DAPK1: variants seen among roughly 807,000 people sequenced by gnomAD.
DAPK1 encodes death associated protein kinase 1, also known as death-associated protein kinase 1.
A neutral mutation model predicts 144.9 loss-of-function variants in DAPK1; 56 were observed. That is an observed-to-expected ratio of 0.39 (90% confidence interval 0.31 to 0.48). The LOEUF is 0.48. DAPK1 is among the 20% of genes least tolerant of loss of function. The pLI, the probability that DAPK1 is intolerant of heterozygous loss-of-function variation, is 0.95. For missense variants in DAPK1, 1,454 were observed against 1,875.4 expected, an observed-to-expected ratio of 0.78 and a Z score of 4.15; for synonymous variants, 690 against 749.0, an observed-to-expected ratio of 0.92 and a Z score of 1.29.
chr9:87,692,931 G>A (rs1049818970), intron 21 of DAPK1, among the ~76,000 whole-genome samples: 1 of 128,342 alleles, frequency 7.8e-6, no homozygotes, highest in African/African-American at 3.0e-5. Flanking sequence ...TCTGACGGGC[G>A]TTCCCTTGTA....
intron 3 of DAPK1, among the ~76,000 whole-genome samples, chr9:87,613,684 A>G (rs1230538107): frequency 6.6e-6 from 1 of 152,234 alleles, no homozygotes; most frequent in African/African-American, 2.4e-5. Context: ...AAGGATCTTA[A>G]AAGTGGCAAA....
intron 2 of DAPK1, among the ~76,000 whole-genome samples, chr9:87,559,315 G>C (rs1359405928): frequency 1.4e-5 from 2 of 139,154 alleles, no homozygotes; most frequent in African/African-American, 6.8e-5. Context: ...CTAGGCTAGG[G>C]TAGGGTAGGG....
rs747058255 is a variant in DAPK1, at chr9:87,686,597, T to C, written c.2271T>C (p.Ser757=). 6.2e-7 allele frequency: 1 copy of C among 1,600,190 alleles called. No homozygotes were observed. The highest frequency in any genetic ancestry group is 8.5e-7 in the Non-Finnish European group (1 of 1,172,580). Residue 757 remains serine (S), a synonymous_variant, in exon 21 of 26, where the codon AGT becomes AGC. Transcript: ENST00000408954. This position sits in a 1 kb window ranked among gnomAD's most constrained non-coding sequence, Gnocchi z 4.2. ...NNLYPGCENV[S]VRSRSMMFEP... ...TGTACCCAGGCTGCGAGAACGTGAG[T>C]GTGAGGAGCCGCAGCATGATGTTCG...
intron 2 of DAPK1, among the ~76,000 whole-genome samples, chr9:87,575,178 C>G (rs1380677889): frequency 6.8e-6 from 1 of 147,244 alleles, no homozygotes; most frequent in Non-Finnish European, 1.5e-5. Flanking sequence ...CAAGATTGCA[C>G]CACTGCACTC....
intron 2 of DAPK1, among the ~76,000 whole-genome samples, chr9:87,516,137 G>A (rs1825045326): frequency 6.6e-6 from 1 of 152,182 alleles, no homozygotes; most frequent in Non-Finnish European, 1.5e-5. Context: ...CTCTCTGGCT[G>A]TACTTGCCGC....
At chr9:87,570,111 T>TA (rs1341919783) in intron 2 of DAPK1, among the ~76,000 whole-genome samples, 1 of 152,058 alleles carries the variant, frequency 6.6e-6, no homozygotes. Flanking sequence ...TATTTTTTTT[T>TA]AATCACTTTG....
intron 25 of DAPK1, among the ~76,000 whole-genome samples, chr9:87,703,508 C>T (rs1825530311): frequency 6.6e-6 from 1 of 152,148 alleles, no homozygotes; most frequent in African/African-American, 2.4e-5. Flanking sequence ...CTGGGTCTCT[C>T]TTCACTCCCC....
chr9:87,592,513 C>T (rs751985424), intron 2 of DAPK1, among the ~76,000 whole-genome samples: 15 of 152,216 alleles, frequency 9.9e-5, no homozygotes, highest in African/African-American at 2.4e-4. Flanking sequence ...AAACCGCATT[C>T]GCACAAATTG....
chr9:87,681,218 C>T (rs554379344), intron 19 of DAPK1, among the ~76,000 whole-genome samples, 186 bp from the exon 20 acceptor site: 6 of 150,366 alleles, frequency 4.0e-5, no homozygotes, highest in East Asian at 2.0e-4. Flanking sequence ...GCAGAGGTTG[C>T]GGTGAGCTGA....
At chr9:87,609,886 C>T (rs548895906) in intron 3 of DAPK1, among the ~76,000 whole-genome samples, 159 of 152,248 alleles carry the variant, frequency 1.0e-3, no homozygotes, top group African/African-American at 3.6e-3. Flanking sequence ...AGCGGGTCCC[C>T]TTGTTGAAAA....
Position 87,647,530 on chromosome 9 carries a change from A to G in DAPK1, c.1329+127A>G, listed in dbSNP as rs752685783. On this transcript the variant is annotated intron_variant, in intron 14 of 25. Coordinates refer to ENST00000408954, the MANE Select transcript of DAPK1 (RefSeq NM_004938.4). ...ATCAGGACCAGAATTCACCTGCAGAACATTTAAGTTGGAAATGTCTTGTTG... is the reference window on the plus strand; with the variant it reads ...ATCAGGACCAGAATTCACCTGCAGAGCATTTAAGTTGGAAATGTCTTGTTG... 32 of 763,438 alleles carry G rather than the reference A, an allele frequency of 4.2e-5. No individual in the cohort carries two copies. The Admixed American group carries it at 6.7e-4, about 16-fold the overall frequency. The allele number at this position is 763,438 out of a possible 1,614,324, so 47.3% of individuals were successfully genotyped here. A position where few individuals can be genotyped will look rare whatever the true frequency, so the allele number is the denominator to read the frequency against.
Position 87,703,023 on chromosome 9 carries a change from C to T in DAPK1, c.2872-6C>T. The stretch of plus-strand genomic sequence containing the variant: ...GAGTTAACCTGTCTGGCCCTGCCCC[C>T]TCTAGGTCTGTCCTCCCATGACTCA... On this transcript the variant is annotated splice_polypyrimidine_tract_variant and splice_region_variant and intron_variant, in intron 24 of 25. Transcript: ENST00000408954. 6.6e-7 allele frequency: 1 copy of T among 1,511,944 alleles called. No homozygotes were observed. Among genetic ancestry groups the T allele is most frequent in the Non-Finnish European group, 9.2e-7 (1 of 1,087,520 alleles). 93.7% of individuals were successfully genotyped at this position (1,511,944 alleles called of 1,614,324 possible).
intron 2 of DAPK1, among the ~76,000 whole-genome samples, chr9:87,502,613 T>G (rs979238380): frequency 6.6e-6 from 1 of 152,142 alleles, no homozygotes; most frequent in Non-Finnish European, 1.5e-5. Context: ...GGGACTGGCC[T>G]TCTTTCCTAT....
chr9:87,547,824 G>C (rs2118529975), intron 2 of DAPK1, among the ~76,000 whole-genome samples: 1 of 152,266 alleles, frequency 6.6e-6, no homozygotes, highest in East Asian at 1.9e-4. Flanking sequence ...ACCCCTATTA[G>C]GGAGAGTGGT....
intron 2 of DAPK1, among the ~76,000 whole-genome samples, chr9:87,544,690 C>CT (rs1386235245): frequency 2.0e-5 from 3 of 152,036 alleles, no homozygotes; most frequent in Non-Finnish European, 4.4e-5. Context: ...TTTTCTCGGG[C>CT]TCTTACTGGT....
chr9:87,641,803 G>A (rs535356086), intron 9 of DAPK1, among the ~76,000 whole-genome samples, 166 bp from the exon 10 acceptor site: 3 of 152,196 alleles, frequency 2.0e-5, no homozygotes, highest in East Asian at 1.9e-4. Context: ...GAGTGAGCCC[G>A]CTAAGACTAG....
chr9:87,675,894 C>CACACACAT (rs1824357502), intron 19 of DAPK1, among the ~76,000 whole-genome samples: 1 of 146,026 alleles, frequency 6.8e-6, no homozygotes, highest in Non-Finnish European at 1.5e-5. Flanking sequence ...CACACACACA[C>CACACACAT]ACCCTTATGA....
At chr9:87,609,069 C>A (rs769548180) in intron 3 of DAPK1, among the ~76,000 whole-genome samples, 31 of 151,718 alleles carry the variant, frequency 2.0e-4, no homozygotes, top group Non-Finnish European at 1.3e-4. Flanking sequence ...CTGCGGGAGG[C>A]CCGAATAGAA....
At chr9:87,542,226 G>A (rs1013306) in intron 2 of DAPK1, among the ~76,000 whole-genome samples, 68,814 of 151,972 alleles carry the variant, frequency 0.45, 15,758 homozygotes, top group South Asian at 0.57. Context: ...GGGAAATTCC[G>A]TATGAACAAT....
Sources: allele counts gnomAD v4.1 joint callset (sites outside exome capture counted in the v4.1 genomes callset), GRCh38; gene constraint gnomAD v4.1.1; non-coding constraint Gnocchi (gnomAD v3.1); transcripts MANE v1.5; gene names NCBI Gene and HGNC (gene_info 2026-07-23, HGNC 2026-07-21).